PLEKHA5: variants seen among roughly 807,000 people sequenced by gnomAD.
PLEKHA5 encodes pleckstrin homology domain-containing family A member 5.
PLEKHA5 carries 55 observed loss-of-function variants against 181.9 expected under a neutral mutation model. That is an observed-to-expected ratio of 0.30 (90% CI 0.24 to 0.38). PLEKHA5 has a LOEUF of 0.38. PLEKHA5 is among the 10% of genes least tolerant of loss of function. The pLI is 1.00. For missense variants in PLEKHA5, 1,432 were observed against 1,549.5 expected (o/e 0.92, Z 1.27); for synonymous variants, 535 against 529.4 (o/e 1.01, Z -0.15).
chr12:19,236,114 A>G (rs1363410158), intron 3 of PLEKHA5, among the ~76,000 whole-genome samples: 3 of 152,224 alleles, frequency 2.0e-5, no homozygotes, highest in Admixed American at 6.5e-5. Flanking sequence ...AAAAGAAAGC[A>G]TGTTGCAAAA....
rs531885560 is a variant in PLEKHA5 at position 19,130,009 on chromosome 12, C to G, written c.90-42C>G. 6.6e-7 allele frequency: 1 copy of G among 1,507,274 alleles called. No homozygotes were observed. The highest frequency in any genetic ancestry group is 2.5e-5 in the East Asian group (1 of 40,186). 93.4% of individuals were successfully genotyped at this position (1,507,274 alleles called of 1,614,324 possible). On this transcript the variant is annotated intron_variant, in intron 1 of 31. Transcript: ENST00000429027. The surrounding 1 kb of genome is among the most constrained non-coding windows in gnomAD (Gnocchi z 4.5). ...CAGCCCCTCGGCTCGCCCCCGCGTC[C>G]CCTCTCACGCTCCGTGTCTGCCCCT...
rs1253740510 is a variant in PLEKHA5, at chr12:19,205,438, T to TATTTGGTGAGTTA, written c.228-48498_228-48486dup. ...AGAACACAGATTTTTAGCAAAAGGC[T>TATTTGGTGAGTTA]ATTTGGTGAGTTAATTGGCTGTTTT... On this transcript the variant is annotated intron_variant, in intron 3 of 31. Coordinates refer to ENST00000429027, the MANE Select transcript of PLEKHA5 (RefSeq NM_001256470.2). The TATTTGGTGAGTTA allele has an allele frequency of 2.4e-5, 23 of 941,410 alleles. No homozygotes were observed. The African/African-American group carries it at 3.9e-4, about 16-fold the overall frequency. 58.3% of individuals were successfully genotyped at this position (941,410 alleles called of 1,614,324 possible). A position where few individuals can be genotyped will look rare whatever the true frequency, so the allele number is the denominator to read the frequency against.
At position 19,287,529 on chromosome 12, in the gene PLEKHA5, T is replaced by C. The variant is rs771978885; in HGVS notation, c.1836T>C (p.Val612=). ...CAGCTGGCCTGACTTTACAGTCTGT[T>C]AGTCCCCAGAGCCTCCAAGGGAAAA... is the stretch of plus-strand genomic sequence containing the variant. ...SVPAGLTLQS[V]SPQSLQGKTP... The change falls in exon 13 of 32, where the codon GTT becomes GTC. Residue 612 remains valine, a synonymous_variant. Transcript: ENST00000429027. The C allele has an allele frequency of 2.5e-6, 4 of 1,606,904 alleles. No homozygotes were observed. The Admixed American group carries it at 5.0e-5, about 20-fold the overall frequency.
chr12:19,284,357 C>G (rs997871815), intron 12 of PLEKHA5, among the ~76,000 whole-genome samples: 1 of 152,156 alleles, frequency 6.6e-6, no homozygotes, highest in Non-Finnish European at 1.5e-5. Flanking sequence ...GTGTGAGCCA[C>G]TGTGCCTGGC....
chr12:19,241,969 G>A (rs1173899150), intron 3 of PLEKHA5, among the ~76,000 whole-genome samples: 1 of 152,110 alleles, frequency 6.6e-6, no homozygotes, highest in Non-Finnish European at 1.5e-5. Context: ...TAACCATATA[G>A]TACCAGTTAA....
chr12:19,265,121 A>G (rs186929256), intron 7 of PLEKHA5, among the ~76,000 whole-genome samples: 37 of 152,354 alleles, frequency 2.4e-4, no homozygotes, highest in Middle Eastern at 3.4e-3. Context: ...AAAGCGTATA[A>G]TTTATATAGC....
chr12:19,277,104 ATAAAT>A (rs1460151525), intron 11 of PLEKHA5, among the ~76,000 whole-genome samples: 4 of 152,346 alleles, frequency 2.6e-5, no homozygotes, highest in East Asian at 3.9e-4. Context: ...TAGCAGGAAA[ATAAAT>A]TAATACAATG....
chr12:19,335,875 G>C (rs1318591591), intron 20 of PLEKHA5, among the ~76,000 whole-genome samples: 1 of 151,930 alleles, frequency 6.6e-6, no homozygotes, highest in Non-Finnish European at 1.5e-5. Flanking sequence ...CAAGTGATCT[G>C]CCCCCGTCAG....
At chr12:19,245,694 T>C (rs1238111934) in intron 3 of PLEKHA5, among the ~76,000 whole-genome samples, 2 of 117,578 alleles carry the variant, frequency 1.7e-5, no homozygotes, top group Non-Finnish European at 3.2e-5. Flanking sequence ...GCCATTGCAC[T>C]ACTGCCTGGG....
At chr12:19,297,089 G>A (rs534844523) in intron 15 of PLEKHA5, among the ~76,000 whole-genome samples, 2 of 152,240 alleles carry the variant, frequency 1.3e-5, no homozygotes, top group African/African-American at 4.8e-5. Flanking sequence ...TACGAAGTAT[G>A]TAGATGGAGA....
At chr12:19,277,028 G>C (rs1459656690) in intron 11 of PLEKHA5, among the ~76,000 whole-genome samples, 1 of 152,094 alleles carries the variant, frequency 6.6e-6, no homozygotes, top group Non-Finnish European at 1.5e-5. Context: ...TTAAGGCATA[G>C]ATGAATAAAA....
Position 19,183,215 on chromosome 12 carries a change from G to A in PLEKHA5, c.227+50765G>A, listed in dbSNP as rs575738274. Among the ~76,000 whole-genome samples, 202 of 152,096 alleles carry A rather than the reference G, an allele frequency of 1.3e-3. 1 individual carries two copies. The highest frequency in any genetic ancestry group is 4.8e-3 in the African/African-American group (197 of 41,380). On this transcript the variant is annotated intron_variant, in intron 3 of 31. Transcript: ENST00000429027. ...AATATTATTGTATTTTACATAGATA[G>A]ATAGATGAGTATAAATAGTATCTCC...
intron 3 of PLEKHA5, among the ~76,000 whole-genome samples, chr12:19,189,954 G>A (rs984842874): frequency 6.6e-6 from 1 of 152,052 alleles, no homozygotes; most frequent in African/African-American, 2.4e-5. Context: ...GTGGAATTTG[G>A]TTACTTGCTT....
intron 3 of PLEKHA5, among the ~76,000 whole-genome samples, chr12:19,191,735 C>T (rs905849629): frequency 6.6e-6 from 1 of 152,108 alleles, no homozygotes; most frequent in African/African-American, 2.4e-5. Flanking sequence ...TTGGATGAGC[C>T]TTATGAGCTT....
In PLEKHA5 at chr12:19,353,210, G is replaced by A. The variant is rs546302251; in HGVS notation, c.3020-674G>A. On this transcript the variant is annotated intron_variant, in intron 25 of 31. Transcript: ENST00000429027. ...TCTCTGTCACCCAGGCTGGAGTGCC[G>A]TGGCGCTATCTCAGCTCACTGCAAC... 5.9e-5 allele frequency among the ~76,000 whole-genome samples: 9 copies of A among 152,046 alleles called. No homozygotes were observed. The East Asian group carries it at 7.7e-4, about 13-fold the overall frequency.
chr12:19,329,754 A>G (rs924873708), intron 20 of PLEKHA5, among the ~76,000 whole-genome samples: 1 of 151,946 alleles, frequency 6.6e-6, no homozygotes, highest in Non-Finnish European at 1.5e-5. Flanking sequence ...CAGTCTGTCA[A>G]TCTTGTTTTT....
In PLEKHA5 at chr12:19,255,056, C is replaced by T. The variant is rs765969357; in HGVS notation, c.323C>T (p.Thr108Ile). Residue 108 changes from threonine to isoleucine, a missense_variant, in exon 5 of 32, where the codon ACC (threonine) becomes ATC (isoleucine). Transcript: ENST00000429027. The part of the protein sequence containing the change: ...IFVVNEQTVA[T>I]MTSEEKKERP... ...ACATATATTTTCAGGACTGTTGCAA[C>T]CATGACATCTGAAGAAAAGAAGGAA... is the stretch of plus-strand genomic sequence containing the variant. The T allele has an allele frequency of 1.2e-6, 2 of 1,603,010 alleles. No individual in the cohort carries two copies. The highest frequency in any genetic ancestry group is 8.5e-7 in the Non-Finnish European group (1 of 1,173,012).
chr12:19,295,809 A>G lies in PLEKHA5; in HGVS notation c.2037+4112A>G, dbSNP rs1190741141. On this transcript the variant is annotated intron_variant, in intron 15 of 31. Coordinates refer to ENST00000429027, the MANE Select transcript of PLEKHA5 (RefSeq NM_001256470.2). ...CCCTACTGGTTATTAAGGATTTTTC[A>G]TAGTATCCCTGGTGGTTAGATTCCC... 1.7e-4 allele frequency among the ~76,000 whole-genome samples: 26 copies of G among 152,186 alleles called. 1 individual carries two copies. Among genetic ancestry groups the G allele is most frequent in the Admixed American group, 1.7e-3 (26 of 15,280 alleles).
intron 3 of PLEKHA5, among the ~76,000 whole-genome samples, chr12:19,199,495 TC>T (rs996985628): frequency 2.4e-4 from 37 of 152,276 alleles, no homozygotes; most frequent in African/African-American, 8.7e-4. Context: ...ATTTTCAAGA[TC>T]CTGTTGCCAC....
Sources: allele counts gnomAD v4.1 joint callset (sites outside exome capture counted in the v4.1 genomes callset), GRCh38; gene constraint gnomAD v4.1.1; non-coding constraint Gnocchi (gnomAD v3.1); transcripts MANE v1.5; gene names NCBI Gene and HGNC (gene_info 2026-07-23, HGNC 2026-07-21).